The following LRSAM1 variants were observed in gnomAD, a reference collection of about 807,000 sequenced individuals.
The protein encoded by LRSAM1 is E3 ubiquitin-protein ligase LRSAM1.
Under a neutral mutation model 118.1 loss-of-function variants are expected in LRSAM1, and 96 were observed. The ratio of observed to expected loss-of-function variants is 0.81; its 90% confidence interval spans 0.69 to 0.96. LRSAM1 has a LOEUF of 0.96. Among genes scored for constraint, LRSAM1 ranks in the 40% least tolerant of loss-of-function variants. LRSAM1 has a pLI of 0.00. For synonymous variants in LRSAM1, 322 were observed against 364.2 expected (o/e 0.88, Z 1.32); for missense variants, 804 against 915.5 (o/e 0.88, Z 1.57).
chr9:127,492,918 C>T, intron 21 of LRSAM1, 21 bp downstream of exon 21: 1 of 1,600,008 alleles, frequency 6.2e-7, no homozygotes, highest in Non-Finnish European at 8.6e-7. Context: ...GGCTTCTGTG[C>T]TCAGCATCAC....
intron 24 of LRSAM1, among the ~76,000 whole-genome samples, chr9:127,498,496 G>A (rs1204760190): frequency 6.6e-6 from 1 of 152,132 alleles, no homozygotes; most frequent in African/African-American, 2.4e-5. Flanking sequence ...TCTGAGCCCA[G>A]CAGTCCTCAG....
At position 127,479,505 on chromosome 9, in the gene LRSAM1, G is replaced by C; in HGVS notation, c.903G>C (p.Glu301Asp). Reference protein sequence around the residue: ...QKDEILQTVKEEQSRLEQGLS... With the variant: ...QKDEILQTVKDEQSRLEQGLS... Reference sequence around the variant, plus strand: ...ATGAGATCCTTCAGACGGTCAAGGAGGTTTGTGAGCCGCCTGCTAGGGTCC... The same window carrying C: ...ATGAGATCCTTCAGACGGTCAAGGACGTTTGTGAGCCGCCTGCTAGGGTCC... The change falls in exon 13 of 26, where the codon GAG becomes GAC. Residue 301 changes from glutamate (E) to aspartate (D), a missense_variant and splice_region_variant. Transcript: ENST00000300417. 6.2e-7 allele frequency: 1 copy of C among 1,613,816 alleles called. No homozygotes were observed. Among genetic ancestry groups the C allele is most frequent in the African/African-American group, 1.3e-5 (1 of 75,030 alleles).
At chr9:127,471,612 C>T (rs1588112485) in intron 10 of LRSAM1, among the ~76,000 whole-genome samples, 3 of 150,202 alleles carry the variant, frequency 2.0e-5, no homozygotes, top group South Asian at 4.2e-4. Context: ...CATGGAGAAA[C>T]GCCATCTTTA....
intron 17 of LRSAM1, 21 bp from the exon 18 acceptor site, chr9:127,487,655 A>G (rs1247682724): frequency 1.2e-6 from 2 of 1,610,432 alleles, no homozygotes; most frequent in Non-Finnish European, 1.7e-6. Context: ...AGAATGAATG[A>G]ATTTGCTGTC....
rs773271495 is a variant in LRSAM1 at position 127,457,271 on chromosome 9, G to A, written c.175-45G>A. 1.9e-6 allele frequency: 3 copies of A among 1,610,880 alleles called. No individual in the cohort carries two copies. The South Asian group carries it at 3.3e-5, about 18-fold the overall frequency. ...CCCACGCCCTTAGCCTGCCCTGCCTGCTGCTCTTCCTCAGCCCAGCATGGC... is the reference window on the plus strand; with the variant it reads ...CCCACGCCCTTAGCCTGCCCTGCCTACTGCTCTTCCTCAGCCCAGCATGGC... On this transcript the variant is annotated intron_variant, in intron 5 of 25. Transcript: ENST00000300417.
chr9:127,497,342 C>T lies in LRSAM1; in HGVS notation c.1912+8C>T. ...CAGCCAGGATCCAGCCAGGTACAAGCACAGCTCCAGCCTCTTCCAGGCAGG... is the reference window on the plus strand; with the variant it reads ...CAGCCAGGATCCAGCCAGGTACAAGTACAGCTCCAGCCTCTTCCAGGCAGG... On this transcript the variant is annotated splice_region_variant and intron_variant, in intron 24 of 25. Coordinates refer to ENST00000300417, the MANE Select transcript of LRSAM1 (RefSeq NM_001005373.4). 1 of 1,610,342 alleles carries T rather than the reference C, an allele frequency of 6.2e-7. No individual in the cohort carries two copies. Among genetic ancestry groups the T allele is most frequent in the Non-Finnish European group, 8.5e-7 (1 of 1,179,404 alleles).
Position 127,456,092 on chromosome 9 carries a change from A to G in LRSAM1, c.174+472A>G, listed in dbSNP as rs556760113. On this transcript the variant is annotated intron_variant, in intron 5 of 25. Coordinates refer to ENST00000300417, the MANE Select transcript of LRSAM1 (RefSeq NM_001005373.4). ...TTCAGAGGGGAGTGAATGATTTTTC[A>G]GCAGAGCATTGCAGCTTTGAATGCA... Among the ~76,000 whole-genome samples the G allele has an allele frequency of 2.7e-5, 4 of 150,384 alleles. No homozygotes were observed. The South Asian group carries it at 8.4e-4, about 32-fold the overall frequency.
At chr9:127,493,896 C>T (rs183622845) in intron 21 of LRSAM1, among the ~76,000 whole-genome samples, 9 of 152,344 alleles carry the variant, frequency 5.9e-5, no homozygotes, top group African/African-American at 1.4e-4. Context: ...CTCTGAGCTG[C>T]GTCCTAGGCC....
chr9:127,497,167 G>A (rs1588138759), intron 23 of LRSAM1, 86 bp from the exon 24 acceptor site: 1 of 1,396,812 alleles, frequency 7.2e-7, no homozygotes, highest in Non-Finnish European at 1.0e-6. Context: ...CGACGGTCCT[G>A]TGAGCCTGGG....
chr9:127,461,331 C>G (rs1313671281), intron 8 of LRSAM1, 74 bp downstream of exon 8: 2 of 1,397,658 alleles, frequency 1.4e-6, no homozygotes, highest in Non-Finnish European at 2.0e-6. Flanking sequence ...CCACAGGCTG[C>G]CCCGCCCGGG....
chr9:127,462,396 C>G, intron 9 of LRSAM1, 23 bp downstream of exon 9: 1 of 1,613,528 alleles, frequency 6.2e-7, no homozygotes, highest in African/African-American at 1.3e-5. Context: ...CTGTTCTTGC[C>G]TGGGGTGCTC....
intron 23 of LRSAM1, 62 bp from the exon 24 acceptor site, chr9:127,497,191 G>T: frequency 6.4e-7 from 1 of 1,553,058 alleles, no homozygotes. Context: ...GTGCCACGTG[G>T]CTCACACCAT....
intron 22 of LRSAM1, among the ~76,000 whole-genome samples, chr9:127,495,624 G>A (rs1836103314): frequency 2.0e-5 from 3 of 152,220 alleles, no homozygotes; most frequent in Non-Finnish European, 2.9e-5. Flanking sequence ...ACTGGTCACT[G>A]CTGTGCAGGG....
At chr9:127,481,517 G>C (rs1381924956) in intron 15 of LRSAM1, among the ~76,000 whole-genome samples, 1 of 151,996 alleles carries the variant, frequency 6.6e-6, no homozygotes, top group Non-Finnish European at 1.5e-5. Flanking sequence ...CAAAGTACTG[G>C]GATTGCAGGC....
In LRSAM1 at chr9:127,479,543, T is replaced by C. The variant is rs1539569; in HGVS notation, c.903+38T>C. 1,249,100 of 1,610,370 alleles carry C rather than the reference T, an allele frequency of 0.78. 486,349 individuals are homozygous for C. The highest frequency in any genetic ancestry group is 0.83 in the Admixed American group (49,684 of 59,766). On this transcript the variant is annotated intron_variant, in intron 13 of 25. Coordinates refer to ENST00000300417, the MANE Select transcript of LRSAM1 (RefSeq NM_001005373.4). Reference sequence around the variant, plus strand: ...CCTGCTAGGGTCCAGCCTGGCTGCATCCCCCAGCCAGTGGCCTCCTGGCTT... The same window carrying C: ...CCTGCTAGGGTCCAGCCTGGCTGCACCCCCCAGCCAGTGGCCTCCTGGCTT...
chr9:127,503,097 AC>A lies in LRSAM1; in HGVS notation c.*200del. On this transcript the variant is annotated 3_prime_UTR_variant, in exon 26 of 26. Transcript: ENST00000300417. ...AGAGGTGCTCCTCATCCATGACACCACCAGTCTGAATGGTCCTGGGGGCTGG... is the reference window on the plus strand; with the variant it reads ...AGAGGTGCTCCTCATCCATGACACCACAGTCTGAATGGTCCTGGGGGCTGG... 1 of 689,406 alleles carries A rather than the reference AC, an allele frequency of 1.5e-6. No individual in the cohort carries two copies. 42.7% of individuals were successfully genotyped at this position (689,406 alleles called of 1,614,324 possible).
At chr9:127,479,035 G>A in intron 12 of LRSAM1, 72 bp downstream of exon 12, 2 of 1,506,026 alleles carry the variant, frequency 1.3e-6, no homozygotes, top group Non-Finnish European at 1.8e-6. Flanking sequence ...TAAAATATTT[G>A]AGAAAATGAC....
At position 127,501,156 on chromosome 9, in the gene LRSAM1, C is replaced by A; in HGVS notation, c.2046+13C>A. ...CCTGGAACGGGAGGTAAGTCCGGGGCCCTCCCCACCCGCCTGCCCTGCCTG... is the reference window on the plus strand; with the variant it reads ...CCTGGAACGGGAGGTAAGTCCGGGGACCTCCCCACCCGCCTGCCCTGCCTG... On this transcript the variant is annotated intron_variant, in intron 25 of 25. Coordinates refer to ENST00000300417, the MANE Select transcript of LRSAM1 (RefSeq NM_001005373.4). 2.5e-6 allele frequency: 4 copies of A among 1,610,814 alleles called. No individual in the cohort carries two copies. The highest frequency in any genetic ancestry group is 2.5e-6 in the Non-Finnish European group (3 of 1,179,570).
At chr9:127,478,235 C>T (rs1314271121) in intron 11 of LRSAM1, among the ~76,000 whole-genome samples, 2 of 152,192 alleles carry the variant, frequency 1.3e-5, no homozygotes, top group Non-Finnish European at 2.9e-5. Context: ...AATGTCAACC[C>T]TTCCACCCTG....
Sources: gnomAD v4.1 joint callset for allele counts (sites outside exome capture counted in the v4.1 genomes callset) on GRCh38, gnomAD v4.1.1 for gene constraint, MANE v1.5 for transcripts, NCBI Gene and HGNC (gene_info 2026-07-23, HGNC 2026-07-21) for gene names.